Variants in LPIN1 observed in about 807,000 individuals in gnomAD.
LPIN1 encodes the protein lipin 1.
In LPIN1, 71 loss-of-function variants were observed where a neutral mutation model predicts 107.5. The ratio of observed to expected loss-of-function variants is 0.66; its 90% CI spans 0.55 to 0.80. The LOEUF is 0.80. LPIN1 is among the 30% of genes least tolerant of loss of function. The pLI is 0.00. For synonymous variants in LPIN1, 445 were observed against 452.6 expected (o/e 0.98, Z 0.21); for missense variants, 1,043 against 1,160.6 (o/e 0.90, Z 1.47).
At chr2:11,766,434 T>C (rs1181580701) in intron 2 of LPIN1, among the ~76,000 whole-genome samples, 2 of 152,142 alleles carry the variant, frequency 1.3e-5, no homozygotes, top group Non-Finnish European at 2.9e-5. Context: ...GGCTGGGAAG[T>C]GTAGCCTCCT....
Position 11,771,763 on chromosome 2 carries a change from A to G in LPIN1, c.596+84A>G. 7.2e-7 allele frequency: 1 copy of G among 1,382,834 alleles called. No individual in the cohort carries two copies. Among genetic ancestry groups the G allele is most frequent in the Non-Finnish European group, 9.9e-7 (1 of 1,008,574 alleles). 85.7% of individuals were successfully genotyped at this position (1,382,834 alleles called of 1,614,324 possible). A position where few individuals can be genotyped will look rare whatever the true frequency, so the allele number is the denominator to read the frequency against. On this transcript the variant is annotated intron_variant, in intron 4 of 20. Coordinates refer to ENST00000674199, the MANE Select transcript of LPIN1 (RefSeq NM_001349206.2). This position sits in a 1 kb window ranked among gnomAD's most constrained non-coding sequence, Gnocchi z 4.8. ...TTATTTTTATGAACTTTTCCCCCATAATTCCTTATTCTTTTATGTGTTTTA... is the reference window on the plus strand; with the variant it reads ...TTATTTTTATGAACTTTTCCCCCATGATTCCTTATTCTTTTATGTGTTTTA...
chr2:11,790,296 T>C (rs964748565), intron 12 of LPIN1, among the ~76,000 whole-genome samples: 2 of 152,218 alleles, frequency 1.3e-5, no homozygotes, highest in African/African-American at 4.8e-5. Context: ...GGTTGGCAGT[T>C]TCAGGCTTGA....
In LPIN1 at chr2:11,696,342, G is replaced by A. The variant is rs115358810; in HGVS notation, c.82-17414G>A. The stretch of plus-strand genomic sequence containing the variant: ...GAGCTGCTCGAGGGAAGGATAAGGT[G>A]CAGTTCATGCCAGAATCCCCAGCTT... On this transcript the variant is annotated intron_variant, in intron 1 of 21. Transcript: ENST00000449576. Among the ~76,000 whole-genome samples, 1,262 of 152,114 alleles carry A rather than the reference G, an allele frequency of 8.3e-3. 22 individuals are homozygous for A. The highest frequency in any genetic ancestry group is 0.029 in the African/African-American group (1,218 of 41,484).
intron 1 of LPIN1, among the ~76,000 whole-genome samples, chr2:11,753,082 G>A (rs930383431): frequency 2.0e-5 from 3 of 152,076 alleles, no homozygotes; most frequent in East Asian, 1.9e-4. Flanking sequence ...ACGCCCTCCT[G>A]TCCCTGGGCA....
intron 1 of LPIN1, among the ~76,000 whole-genome samples, chr2:11,687,313 T>G (rs544866413): frequency 2.0e-4 from 31 of 152,232 alleles, no homozygotes; most frequent in Non-Finnish European, 3.5e-4. Context: ...TACCCAGTTT[T>G]GTTTTTCATC....
intron 11 of LPIN1, among the ~76,000 whole-genome samples, chr2:11,787,398 C>CTTT (rs1205272301): frequency 4.6e-5 from 3 of 64,568 alleles, no homozygotes; most frequent in African/African-American, 8.1e-5. Context: ...TTTTCTTTTT[C>CTTT]TTTTTTTTTT....
intron 1 of LPIN1, among the ~76,000 whole-genome samples, chr2:11,737,372 A>C (rs140683533): frequency 2.0e-5 from 3 of 152,370 alleles, no homozygotes; most frequent in African/African-American, 7.2e-5. Flanking sequence ...ACAAAAGCCA[A>C]CATTGACAAA....
intron 1 of LPIN1, among the ~76,000 whole-genome samples, chr2:11,733,256 T>C (rs1026378619): frequency 6.6e-6 from 1 of 152,188 alleles, no homozygotes; most frequent in Non-Finnish European, 1.5e-5. Context: ...AGCAGGATTA[T>C]GGGAAATAGA....
rs1380587462 is a variant in LPIN1 at position 11,792,141 on chromosome 2, T to TAG, written c.1806+135_1806+136insAG. On this transcript the variant is annotated intron_variant, in intron 13 of 20. Transcript: ENST00000674199. ...GAGTTTCCATGAGCCAGCTCTGCCA[T>TAG]GAAGTAGGGCGAGTGCTCGTGGAAC... 15 of 779,212 alleles carry TAG rather than the reference T, an allele frequency of 1.9e-5. No individual in the cohort carries two copies. The African/African-American group carries it at 2.4e-4, about 13-fold the overall frequency. The allele number at this position is 779,212 out of a possible 1,614,324, so 48.3% of individuals were successfully genotyped here.
At chr2:11,721,830 G>C (rs372607341), upstream of LPIN1, 1 of 152,596 alleles carries the variant, frequency 6.6e-6, no homozygotes, top group South Asian at 2.1e-4. Flanking sequence ...ATGTGGAGAG[G>C]ATTCTCTAAG....
chr2:11,752,432 C>CTTTTTTTTTTTTTTTTTT (rs1354955148), intron 1 of LPIN1, among the ~76,000 whole-genome samples: 9 of 82,624 alleles, frequency 1.1e-4, no homozygotes, highest in African/African-American at 7.1e-4. Context: ...GTTCCAAGGC[C>CTTTTTTTTTTTTTTTTTT]ATTTTTTTTT....
At chr2:11,729,917 G>A (rs1665023977) in intron 1 of LPIN1, among the ~76,000 whole-genome samples, 1 of 151,824 alleles carries the variant, frequency 6.6e-6, no homozygotes, top group African/African-American at 2.4e-5. Flanking sequence ...TAACCTACTT[G>A]GTTGTTTGGT....
At chr2:11,753,653 T>C (rs1668206940) in intron 1 of LPIN1, among the ~76,000 whole-genome samples, 1 of 152,250 alleles carries the variant, frequency 6.6e-6, no homozygotes, top group Non-Finnish European at 1.5e-5. Flanking sequence ...TGAGCCAGAC[T>C]TCCTCTTTTG....
At chr2:11,799,412 A>G (rs1414761012) in intron 14 of LPIN1, among the ~76,000 whole-genome samples, 11 of 138,140 alleles carry the variant, frequency 8.0e-5, no homozygotes, top group African/African-American at 3.3e-4. Context: ...ACATTTTCCC[A>G]TTCAATGAGG....
In LPIN1 at chr2:11,786,728, C is replaced by T. The variant is rs533163976; in HGVS notation, c.1550-346C>T. ...TTACCCCCGTAATCGTGACTTCAGC[C>T]GAGGGAGCCTGGCTTCTGCGCCATG... is the stretch of plus-strand genomic sequence containing the variant. On this transcript the variant is annotated intron_variant, in intron 10 of 20. Transcript: ENST00000674199. The surrounding 1 kb of genome is among the most constrained non-coding windows in gnomAD (Gnocchi z 4.1). Among the ~76,000 whole-genome samples, 8 of 152,212 alleles carry T rather than the reference C, an allele frequency of 5.3e-5. No homozygotes were observed. Among genetic ancestry groups the T allele is most frequent in the African/African-American group, 9.7e-5 (4 of 41,448 alleles).
At chr2:11,807,512 A>ATTTTTTTTTTTTTTTTTTT (rs557625077) in intron 17 of LPIN1, among the ~76,000 whole-genome samples, 1 of 140,666 alleles carries the variant, frequency 7.1e-6, no homozygotes, top group Non-Finnish European at 1.6e-5. Flanking sequence ...TTGCTTTTTA[A>ATTTTTTTTTTTTTTTTTTT]TTTTTTTTTT....
intron 18 of LPIN1, chr2:11,817,953 A>C (rs1373426585): frequency 1.3e-5 from 2 of 152,508 alleles, no homozygotes; most frequent in East Asian, 3.7e-4. Context: ...AAAAAAAAAA[A>C]AAAAAAAGAC....
chr2:11,716,627 A>G (rs1387248134), intron 2 of LPIN1, among the ~76,000 whole-genome samples: 1 of 152,082 alleles, frequency 6.6e-6, no homozygotes, highest in Non-Finnish European at 1.5e-5. Context: ...GTCAGGTGCT[A>G]TGACAGGGTT....
At chr2:11,787,491 T>C (rs2148665969) in intron 11 of LPIN1, among the ~76,000 whole-genome samples, 1 of 149,780 alleles carries the variant, frequency 6.7e-6, no homozygotes, top group South Asian at 2.1e-4. Flanking sequence ...GCCTTGAACT[T>C]GTGGGCTTAA....
Sources: gnomAD v4.1 joint callset for allele counts (sites outside exome capture counted in the v4.1 genomes callset) on GRCh38, gnomAD v4.1.1 for gene constraint, Gnocchi (gnomAD v3.1) non-coding constraint, MANE v1.5 for transcripts, NCBI Gene and HGNC (gene_info 2026-07-23, HGNC 2026-07-21) for gene names.